The following EPB41L3 variants were observed in gnomAD, a reference collection of about 807,000 sequenced individuals.
EPB41L3 encodes erythrocyte membrane protein band 4.1 like 3.
In EPB41L3, 57 loss-of-function variants were observed where a neutral mutation model predicts 127.1. The ratio of observed to expected loss-of-function variants is 0.45; its 90% CI spans 0.36 to 0.56. The LOEUF (loss-of-function observed/expected upper bound fraction) is 0.56, where lower values mean the gene tolerates loss of function less well. Ranked by LOEUF, EPB41L3 falls within the 20% of genes least tolerant of loss-of-function variation. The pLI, the probability that EPB41L3 is intolerant of heterozygous loss-of-function variation, is 0.00. For missense variants in EPB41L3, 1,273 were observed against 1,372.2 expected (o/e 0.93, Z 1.14); for synonymous variants, 572 against 549.5 (o/e 1.04, Z -0.57).
At chr18:5,628,304 A>G (rs973782587) in intron 1 of EPB41L3, among the ~76,000 whole-genome samples, 3 of 152,266 alleles carry the variant, frequency 2.0e-5, no homozygotes, top group Admixed American at 1.3e-4. Flanking sequence ...ACTTTCATTC[A>G]TTTAGTGGCT....
In EPB41L3 at chr18:5,393,478, C is replaced by G. The variant is rs1479413456; in HGVS notation, c.*7G>C. The G allele has an allele frequency of 1.4e-6, 1 of 700,782 alleles. No homozygotes were observed. The highest frequency in any genetic ancestry group is 1.8e-5 in the African/African-American group (1 of 57,076). 43.4% of individuals were successfully genotyped at this position (700,782 alleles called of 1,614,324 possible). The stretch of plus-strand genomic sequence containing the variant: ...GCATTCATGTGCAAGCTAAGTTATT[C>G]CTGCAAAAAAGACATTTGATTAGTT... On this transcript the variant is annotated splice_region_variant and 3_prime_UTR_variant, in exon 23 of 23. Transcript: ENST00000341928.
At chr18:5,503,478 C>T (rs2091911115) in intron 1 of EPB41L3, among the ~76,000 whole-genome samples, 1 of 152,176 alleles carries the variant, frequency 6.6e-6, no homozygotes, top group African/African-American at 2.4e-5. Context: ...TGATGGAAGG[C>T]TCCAGGCACA....
intron 13 of EPB41L3, among the ~76,000 whole-genome samples, chr18:5,415,481 A>T (rs2076682639): frequency 6.6e-6 from 1 of 152,210 alleles, no homozygotes; most frequent in Admixed American, 6.5e-5. Context: ...TTACCTTATT[A>T]AACCATAACT....
At chr18:5,436,609 C>G (rs201940838) in intron 6 of EPB41L3, among the ~76,000 whole-genome samples, 1 of 151,834 alleles carries the variant, frequency 6.6e-6, no homozygotes, top group Non-Finnish European at 1.5e-5. Context: ...AGGGTTTCAC[C>G]GTGTTAGCCA....
intron 15 of EPB41L3, chr18:5,407,269 GA>G: frequency 2.5e-6 from 1 of 407,790 alleles, no homozygotes; most frequent in South Asian, 3.9e-5. Flanking sequence ...ATACACACAG[GA>G]AAAGGGATCT....
intron 1 of EPB41L3, among the ~76,000 whole-genome samples, chr18:5,517,874 C>G (rs1240436514): frequency 2.0e-5 from 3 of 152,146 alleles, no homozygotes; most frequent in African/African-American, 7.2e-5. Flanking sequence ...CTTTCCTCCT[C>G]CCCCACTGAC....
intron 3 of EPB41L3, among the ~76,000 whole-genome samples, chr18:5,566,440 C>T (rs1286428378): frequency 6.6e-6 from 1 of 152,098 alleles, no homozygotes; most frequent in Non-Finnish European, 1.5e-5. Context: ...AACTACAAAC[C>T]ACTGCTTAAT....
At chr18:5,478,653 C>A (rs1211153606) in intron 2 of EPB41L3, among the ~76,000 whole-genome samples, 1 of 152,124 alleles carries the variant, frequency 6.6e-6, no homozygotes, top group East Asian at 1.9e-4. Context: ...CATTTTAACT[C>A]CAGGACTTAC....
At position 5,416,608 on chromosome 18, in the gene EPB41L3, T is replaced by C. The variant is rs372278324; in HGVS notation, c.1507-230A>G. ...ACTATCACATACAGGTGGAATTCTT[T>C]AAAAACTCAGAACAGAAGGTATTTG... is the stretch of plus-strand genomic sequence containing the variant. On this transcript the variant is annotated intron_variant, in intron 12 of 22. Coordinates refer to ENST00000341928, the MANE Select transcript of EPB41L3 (RefSeq NM_012307.5). Among the ~76,000 whole-genome samples the C allele has an allele frequency of 1.4e-4, 21 of 152,326 alleles. 1 individual carries two copies. In the East Asian group the frequency reaches 3.3e-3, roughly 24 times the overall value.
intron 1 of EPB41L3, among the ~76,000 whole-genome samples, chr18:5,515,393 G>C (rs151147687): frequency 6.6e-6 from 1 of 152,298 alleles, no homozygotes; most frequent in Non-Finnish European, 1.5e-5. Context: ...TGTTCCACAA[G>C]TAAGGTTTGC....
At chr18:5,547,905 A>C (rs2093907206), upstream of EPB41L3, among the ~76,000 whole-genome samples, 2 of 152,238 alleles carry the variant, frequency 1.3e-5, no homozygotes. Context: ...GAAAGAAATA[A>C]TAGAGAATCA....
At chr18:5,525,527 T>C (rs774731710) in intron 1 of EPB41L3, among the ~76,000 whole-genome samples, 61 of 152,188 alleles carry the variant, frequency 4.0e-4, no homozygotes, top group Non-Finnish European at 7.5e-4. Flanking sequence ...AACTTGCCTA[T>C]GGCTGCAATA....
chr18:5,466,735 A>G (rs2085065518), intron 3 of EPB41L3, among the ~76,000 whole-genome samples: 1 of 152,166 alleles, frequency 6.6e-6, no homozygotes. Context: ...GAAGTTAACC[A>G]AAAAAGAGAT....
chr18:5,489,221 G>A, intron 1 of EPB41L3, 27 bp from the exon 2 acceptor site: 2 of 1,576,888 alleles, frequency 1.3e-6, no homozygotes, highest in Non-Finnish European at 1.7e-6. Context: ...GGGAAGAGCA[G>A]GTCACTCCGT....
At chr18:5,582,748 A>G (rs962813250) in intron 3 of EPB41L3, among the ~76,000 whole-genome samples, 1 of 152,228 alleles carries the variant, frequency 6.6e-6, no homozygotes, top group African/African-American at 2.4e-5. Context: ...TGACTGAGCT[A>G]TAAGTAGAAT....
At chr18:5,457,263 G>A (rs964959951) in intron 3 of EPB41L3, among the ~76,000 whole-genome samples, 1 of 152,138 alleles carries the variant, frequency 6.6e-6, no homozygotes, top group African/African-American at 2.4e-5. Context: ...TGTTTAGACT[G>A]CACTGTTTTT....
intron 1 of EPB41L3, among the ~76,000 whole-genome samples, chr18:5,507,364 G>A (rs890059631): frequency 3.3e-5 from 5 of 151,936 alleles, no homozygotes; most frequent in African/African-American, 1.2e-4. Flanking sequence ...TTTTCAAAAA[G>A]GATTAACAAT....
chr18:5,533,089 C>A (rs1219772946), intron 1 of EPB41L3, among the ~76,000 whole-genome samples: 1 of 151,886 alleles, frequency 6.6e-6, no homozygotes, highest in East Asian at 1.9e-4. Flanking sequence ...AATGTGAAAA[C>A]CCTCTCAGAG....
intron 3 of EPB41L3, among the ~76,000 whole-genome samples, chr18:5,457,013 C>T (rs1213781317): frequency 3.3e-5 from 5 of 152,192 alleles, no homozygotes; most frequent in African/African-American, 1.2e-4. Context: ...TGCTCCTTCC[C>T]GAATCTCAGA....
Sources: gnomAD v4.1 joint callset for allele counts (sites outside exome capture counted in the v4.1 genomes callset) on GRCh38, gnomAD v4.1.1 for gene constraint, MANE v1.5 for transcripts, NCBI Gene and HGNC (gene_info 2026-07-23, HGNC 2026-07-21) for gene names.